The following SLC25A28 variants were observed in gnomAD, a reference collection of about 807,000 sequenced individuals.
SLC25A28 encodes solute carrier family 25 member 28, also known as mitoferrin-2.
SLC25A28 carries 10 observed loss-of-function variants against 31.9 expected under a neutral mutation model. The observed-to-expected ratio is 0.31, with a 90% CI of 0.19 to 0.53. The LOEUF is 0.53. SLC25A28 is among the 20% of genes least tolerant of loss of function. SLC25A28 has a pLI of 0.95. For missense variants in SLC25A28, 256 were observed against 490.3 expected, an observed-to-expected ratio of 0.52 and a Z score of 4.51; for synonymous variants, 208 against 203.6, an observed-to-expected ratio of 1.02 and a Z score of -0.19.
At chr10:99,645,291 C>G in the SLC25A28 span, among the ~76,000 whole-genome samples, 1 of 152,172 alleles carries the variant, frequency 6.6e-6, no homozygotes, top group Admixed American at 6.5e-5. Flanking sequence ...CTTCTTGCTT[C>G]ATTTCATTCA....
chr10:99,658,455 CA>C, the SLC25A28 span, among the ~76,000 whole-genome samples: 2 of 152,174 alleles, frequency 1.3e-5, no homozygotes, highest in Non-Finnish European at 2.9e-5. Context: ...GTGGGACAGA[CA>C]GACAGACATA....
At chr10:99,644,029 G>T in the SLC25A28 span, among the ~76,000 whole-genome samples, 1 of 152,342 alleles carries the variant, frequency 6.6e-6, no homozygotes, top group Non-Finnish European at 1.5e-5. Flanking sequence ...GTGCTGAGAA[G>T]AATGTATATT....
At chr10:99,627,881 T>TC in the SLC25A28 span, among the ~76,000 whole-genome samples, 129,954 of 152,052 alleles carry the variant, frequency 0.85, 55,642 homozygotes, top group Middle Eastern at 0.92. Context: ...TCCCGCAAGT[T>TC]CCCGCCACCC....
the SLC25A28 span, among the ~76,000 whole-genome samples, chr10:99,644,124 T>G: frequency 6.6e-6 from 1 of 152,352 alleles, no homozygotes; most frequent in African/African-American, 2.4e-5. Context: ...ATATCCTTGT[T>G]AACTTTCTGT....
the SLC25A28 span, among the ~76,000 whole-genome samples, chr10:99,636,441 C>T: frequency 9.9e-5 from 15 of 152,252 alleles, no homozygotes; most frequent in Admixed American, 2.6e-4. Context: ...CACAACCTAT[C>T]GAAACGTCTG....
the SLC25A28 span, among the ~76,000 whole-genome samples, chr10:99,631,016 G>T: frequency 1.3e-5 from 2 of 152,132 alleles, no homozygotes; most frequent in East Asian, 3.9e-4. Flanking sequence ...GTAAGGGAAG[G>T]AGTAATTTTC....
chr10:99,619,140 C>T (rs571488878), intron 1 of SLC25A28: 1,133 of 985,430 alleles, frequency 1.1e-3, no homozygotes, highest in Admixed American at 1.4e-3. Context: ...GACCTGACTT[C>T]AGTACACATA....
At chr10:99,618,604 TAC>T in intron 1 of SLC25A28, 1 of 985,504 alleles carries the variant, frequency 1.0e-6, no homozygotes, top group Non-Finnish European at 1.2e-6. Flanking sequence ...TCATGGATTT[TAC>T]AGTTTATTTC....
Position 99,620,038 on chromosome 10 carries a change from G to C in SLC25A28, c.291+7C>G, listed in dbSNP as rs12252561. The C allele has an allele frequency of 0.24, 373,787 of 1,572,054 alleles. 45,047 individuals are homozygous for C. The highest frequency in any genetic ancestry group is 0.32 in the Middle Eastern group (1,430 of 4,454). ...AGGTCGGGTTCGAAGCCGGGTGCAG[G>C]TCTCACCTTGACGCAGTCGATGGGG... On this transcript the variant is annotated splice_region_variant and intron_variant, in intron 1 of 3. Transcript: ENST00000370495.
At chr10:99,615,928 G>A (rs1291979847) in intron 1 of SLC25A28, 2 of 985,276 alleles carry the variant, frequency 2.0e-6, no homozygotes, top group African/African-American at 3.5e-5. Context: ...TCACCCCCAA[G>A]AGAAAACCGG....
the SLC25A28 span, among the ~76,000 whole-genome samples, chr10:99,641,579 C>A: frequency 2.6e-5 from 4 of 152,028 alleles, no homozygotes; most frequent in African/African-American, 9.7e-5. Context: ...TAATTAGATC[C>A]CATTTGTCTA....
chr10:99,623,612 T>A (rs2034831434), upstream of SLC25A28, among the ~76,000 whole-genome samples: 1 of 152,210 alleles, frequency 6.6e-6, no homozygotes, highest in Non-Finnish European at 1.5e-5. Context: ...TCAGCAGTAT[T>A]TTGATTCTCC....
Position 99,610,761 on chromosome 10 carries a change from C to T in SLC25A28, c.*88G>A. 2.7e-6 allele frequency: 4 copies of T among 1,503,278 alleles called. No individual in the cohort carries two copies. The highest frequency in any genetic ancestry group is 3.6e-6 in the Non-Finnish European group (4 of 1,111,782). 93.1% of individuals were successfully genotyped at this position (1,503,278 alleles called of 1,614,324 possible). The stretch of plus-strand genomic sequence containing the variant: ...AGCCCCTCTACCTTCCTTCTAACTC[C>T]ACTTGAGGTGGGAGCATTCCAGGAG... On this transcript the variant is annotated 3_prime_UTR_variant, in exon 4 of 4. Coordinates refer to ENST00000370495, the MANE Select transcript of SLC25A28 (RefSeq NM_031212.4).
At chr10:99,646,161 G>T in the SLC25A28 span, among the ~76,000 whole-genome samples, 14 of 152,212 alleles carry the variant, frequency 9.2e-5, no homozygotes, top group Non-Finnish European at 1.8e-4. Context: ...CCCAGAGGTG[G>T]AGTCTACAGA....
At chr10:99,612,117 T>G (rs1439173175) in intron 3 of SLC25A28, among the ~76,000 whole-genome samples, 1 of 152,204 alleles carries the variant, frequency 6.6e-6, no homozygotes, top group East Asian at 1.9e-4. Flanking sequence ...TGATTTAACC[T>G]TTCATTCCTA....
chr10:99,624,504 G>A (rs1008026996), upstream of SLC25A28, among the ~76,000 whole-genome samples: 1 of 152,134 alleles, frequency 6.6e-6, no homozygotes, highest in Non-Finnish European at 1.5e-5. Flanking sequence ...ACACACTGTC[G>A]TACATCTCAC....
At chr10:99,657,664 C>T in the SLC25A28 span, among the ~76,000 whole-genome samples, 1 of 152,068 alleles carries the variant, frequency 6.6e-6, no homozygotes. Flanking sequence ...TGACCCACAA[C>T]CTCTACAGCA....
Position 99,611,164 on chromosome 10 carries a change from G to A in SLC25A28, c.780C>T (p.Asn260=). 6.2e-7 allele frequency: 1 copy of A among 1,614,200 alleles called. No homozygotes were observed. ...QEHFNPQRRY[N]PSSHVLSGAC... ...CTCCAGAGAGGACGTGGGAGCTTGGGTTGTACCGTCTCTGGGGGTTAAAGT... is the reference window on the plus strand; with the variant it reads ...CTCCAGAGAGGACGTGGGAGCTTGGATTGTACCGTCTCTGGGGGTTAAAGT... Residue 260 remains asparagine, a synonymous_variant, in exon 4 of 4, where the codon AAC becomes AAT. Transcript: ENST00000370495. This position sits in a 1 kb window ranked among gnomAD's most constrained non-coding sequence, Gnocchi z 5.5.
chr10:99,626,041 ATTTCCC>A, the SLC25A28 span, among the ~76,000 whole-genome samples: 3 of 152,144 alleles, frequency 2.0e-5, no homozygotes, highest in African/African-American at 7.2e-5. Flanking sequence ...CTTAGAATGC[ATTTCCC>A]CCTTTGTTCT....
Sources: gnomAD v4.1 joint callset for allele counts (sites outside exome capture counted in the v4.1 genomes callset) on GRCh38, gnomAD v4.1.1 for gene constraint, Gnocchi (gnomAD v3.1) non-coding constraint, MANE v1.5 for transcripts, NCBI Gene and HGNC (gene_info 2026-07-23, HGNC 2026-07-21) for gene names.